SCAF11: variants seen among roughly 807,000 people sequenced by gnomAD.
SCAF11 encodes the protein SR-related CTD associated factor 11.
Under a neutral mutation model 140.5 loss-of-function variants are expected in SCAF11, and 47 were observed. The observed-to-expected ratio is 0.33, with a 90% CI of 0.26 to 0.43. SCAF11 has a LOEUF of 0.43. Among genes scored for constraint, SCAF11 ranks in the 20% least tolerant of loss-of-function variants. The probability of loss-of-function intolerance (pLI) is 1.00; values close to 1 mark genes in which losing one functional copy is unlikely to be tolerated. For missense variants in SCAF11, 1,645 were observed against 1,705.1 expected, an observed-to-expected ratio of 0.96 and a Z score of 0.62; for synonymous variants, 557 against 579.4, an observed-to-expected ratio of 0.96 and a Z score of 0.55.
intron 6 of SCAF11, among the ~76,000 whole-genome samples, chr12:45,940,146 A>C (rs1453687722): frequency 6.6e-6 from 1 of 152,230 alleles, no homozygotes; most frequent in East Asian, 1.9e-4. Flanking sequence ...GTGAAAATTA[A>C]AAGAAAAATT....
Position 45,948,468 on chromosome 12 carries a change from A to C in SCAF11, c.367T>G (p.Ser123Ala), listed in dbSNP as rs777317842. 1 of 1,611,426 alleles carries C rather than the reference A, an allele frequency of 6.2e-7. No individual in the cohort carries two copies. The highest frequency in any genetic ancestry group is 1.1e-5 in the South Asian group (1 of 90,776). ...KNENSFEKQV[S>A]CHENSKSCIR... ...CAGCTTTTAGAATTTTCATGACAGGAGACCTGTTTCTCAAATGAGTTTTCA... is the reference window on the plus strand; with the variant it reads ...CAGCTTTTAGAATTTTCATGACAGGCGACCTGTTTCTCAAATGAGTTTTCA... Residue 123 changes from serine to alanine, a missense_variant, in exon 5 of 15, where the codon TCC (serine) becomes GCC (alanine). By Grantham distance (99) the Ser-to-Ala change is moderately conservative (BLOSUM62 1). Coordinates refer to ENST00000369367, the MANE Select transcript of SCAF11 (RefSeq NM_004719.3).
intron 1 of SCAF11, among the ~76,000 whole-genome samples, chr12:45,966,834 T>G (rs1303965749): frequency 6.6e-6 from 1 of 152,158 alleles, no homozygotes; most frequent in Non-Finnish European, 1.5e-5. Context: ...TATTTTTTAT[T>G]TGGGGAAATT....
intron 1 of SCAF11, among the ~76,000 whole-genome samples, chr12:45,976,922 A>C (rs1331553255): frequency 6.6e-6 from 1 of 152,104 alleles, no homozygotes; most frequent in African/African-American, 2.4e-5. Context: ...AAAGATCAAT[A>C]AAATTTAAAC....
Position 45,927,286 on chromosome 12 carries a change from T to C in SCAF11, c.2415A>G (p.Lys805=). 6.2e-7 allele frequency: 1 copy of C among 1,614,038 alleles called. No individual in the cohort carries two copies. Among genetic ancestry groups the C allele is most frequent in the Non-Finnish European group, 8.5e-7 (1 of 1,179,986 alleles). The change falls in exon 11 of 15, where the codon AAA becomes AAG. Residue 805 remains lysine, a synonymous_variant. Coordinates refer to ENST00000369367, the MANE Select transcript of SCAF11 (RefSeq NM_004719.3). ...HSPSTTWSPN[K]DTPQEKKRPQ... ...GCCGCTTCTTTTCTTGTGGAGTGTC[T>C]TTGTTGGGTGACCAAGTTGTAGATG...
chr12:45,982,478 G>A (rs796705188), intron 1 of SCAF11, among the ~76,000 whole-genome samples: 7 of 152,114 alleles, frequency 4.6e-5, no homozygotes, highest in South Asian at 2.1e-4. Context: ...AGGCCAAGGC[G>A]GGCAGATCAC....
At chr12:45,925,936 G>A (rs962864974) in intron 11 of SCAF11, among the ~76,000 whole-genome samples, 3 of 152,098 alleles carry the variant, frequency 2.0e-5, no homozygotes, top group African/African-American at 7.2e-5. Flanking sequence ...GGCAAGGTTT[G>A]GAGCAGAGGT....
intron 1 of SCAF11, among the ~76,000 whole-genome samples, chr12:45,982,324 T>C (rs1946366555): frequency 6.6e-6 from 1 of 152,212 alleles, no homozygotes; most frequent in African/African-American, 2.4e-5. Flanking sequence ...TTAATATTTA[T>C]TCCCCATTAT....
intron 1 of SCAF11, among the ~76,000 whole-genome samples, chr12:45,980,951 T>A (rs1946335078): frequency 6.6e-6 from 1 of 152,214 alleles, no homozygotes; most frequent in Non-Finnish European, 1.5e-5. Flanking sequence ...TCTTAGGACA[T>A]AACCTAATAT....
intron 1 of SCAF11, among the ~76,000 whole-genome samples, chr12:45,964,559 C>T (rs1258459074): frequency 1.3e-5 from 2 of 151,266 alleles, no homozygotes; most frequent in African/African-American, 2.4e-5. Flanking sequence ...CCCAGCTGCT[C>T]GGGAGGTTGA....
At chr12:45,975,105 C>T (rs1946204695) in intron 1 of SCAF11, 1 of 152,158 alleles carries the variant, frequency 6.6e-6, no homozygotes, top group Admixed American at 6.5e-5. Context: ...ACAGTGAGCT[C>T]AAAATATTCA....
intron 1 of SCAF11, among the ~76,000 whole-genome samples, chr12:45,989,845 G>C: frequency 6.6e-6 from 1 of 152,218 alleles, no homozygotes; most frequent in East Asian, 1.9e-4. Flanking sequence ...TCACTAGCGG[G>C]CTTGGACGCT....
At chr12:45,963,626 C>T (rs1945874190) in intron 2 of SCAF11, among the ~76,000 whole-genome samples, 1 of 152,034 alleles carries the variant, frequency 6.6e-6, no homozygotes. Flanking sequence ...AGGAAATAAA[C>T]TCAAGCAAAC....
At chr12:45,967,742 T>C (rs1410656030) in intron 1 of SCAF11, among the ~76,000 whole-genome samples, 4 of 152,252 alleles carry the variant, frequency 2.6e-5, no homozygotes, top group Admixed American at 6.5e-5. Flanking sequence ...ACTGTTTTTA[T>C]ACCTGAAAAT....
At chr12:45,956,638 C>T (rs994772901) in intron 3 of SCAF11, among the ~76,000 whole-genome samples, 2 of 152,156 alleles carry the variant, frequency 1.3e-5, no homozygotes, top group Non-Finnish European at 2.9e-5. Flanking sequence ...CCAGTAAGAA[C>T]ACATTTCATC....
intron 6 of SCAF11, among the ~76,000 whole-genome samples, chr12:45,944,659 T>A (rs1042214408): frequency 6.6e-6 from 1 of 152,190 alleles, no homozygotes; most frequent in African/African-American, 2.4e-5. Flanking sequence ...CACAAAGAAC[T>A]ATGGATGTTG....
Position 45,923,103 on chromosome 12 carries a change from G to A in SCAF11, c.3958C>T (p.Pro1320Ser), listed in dbSNP as rs779108942. 3.7e-6 allele frequency: 6 copies of A among 1,614,120 alleles called. No homozygotes were observed. In the Admixed American group the frequency reaches 8.3e-5, roughly 22 times the overall value. ...VSNNMSTPVL[P>S]APTAAPGNTG... ...TTTCCTGGGGCTGCTGTCGGAGCAG[G>A]CAAAACTGGTGTACTCATGTTATTA... Residue 1320 changes from proline to serine, a missense_variant, in exon 13 of 15, where the codon CCT (proline) becomes TCT (serine). By Grantham distance (74) the Pro-to-Ser change is moderately conservative. Transcript: ENST00000369367.
intron 3 of SCAF11, chr12:45,961,411 A>G (rs1945824592): frequency 3.0e-6 from 2 of 664,820 alleles, no homozygotes; most frequent in African/African-American, 3.6e-5. Flanking sequence ...AGTACACTGA[A>G]AAATTAATTA....
chr12:45,964,395 C>T (rs774752372), intron 1 of SCAF11, among the ~76,000 whole-genome samples: 4 of 152,148 alleles, frequency 2.6e-5, no homozygotes, highest in African/African-American at 4.8e-5. Context: ...TGGCCGTGCA[C>T]GGTGGCTCAC....
intron 4 of SCAF11, 68 bp from the exon 5 acceptor site, chr12:45,948,605 T>C: frequency 2.1e-6 from 2 of 945,844 alleles, no homozygotes; most frequent in Non-Finnish European, 3.2e-6. Context: ...AAATTCTTCC[T>C]TGAAATGATT....
Sources: gnomAD v4.1 joint callset for allele counts (sites outside exome capture counted in the v4.1 genomes callset) on GRCh38, gnomAD v4.1.1 for gene constraint, MANE v1.5 for transcripts, NCBI Gene and HGNC (gene_info 2026-07-23, HGNC 2026-07-21) for gene names.